DOCK8: variants seen among roughly 807,000 people sequenced by gnomAD.
DOCK8 encodes the protein dedicator of cytokinesis 8.
In DOCK8, 141 loss-of-function variants were observed where a neutral mutation model predicts 245.6. The observed-to-expected ratio is 0.57, with a 90% CI of 0.50 to 0.66. The LOEUF is 0.66. Ranked by LOEUF, DOCK8 falls within the 30% of genes least tolerant of loss-of-function variation. The pLI is 0.00. For synonymous variants in DOCK8, 1,168 were observed against 970.2 expected, an observed-to-expected ratio of 1.20 and a Z score of -3.79; for missense variants, 2,965 against 2,603.4, an observed-to-expected ratio of 1.14 and a Z score of -3.02.
chr9:336,517 G>C, intron 11 of DOCK8, 65 bp from the exon 12 acceptor site: 1 of 1,605,702 alleles, frequency 6.2e-7, no homozygotes, highest in Non-Finnish European at 8.5e-7. Context: ...ATATTGTGAA[G>C]TTAATAACTG....
At chr9:391,941 C>G (rs1444045546) in intron 24 of DOCK8, among the ~76,000 whole-genome samples, 1 of 150,498 alleles carries the variant, frequency 6.6e-6, no homozygotes, top group African/African-American at 2.4e-5. Flanking sequence ...GAGTTCGAGA[C>G]CAGCCTGGCC....
At position 434,553 on chromosome 9, in the gene DOCK8, T is replaced by A. The variant is rs1420284051; in HGVS notation, c.4887-230T>A. ...TCAGGTATTTTTTCCCCATAAGGCT[T>A]TTACTAAGTACTATTTCTTGGAGGT... On this transcript the variant is annotated intron_variant, in intron 38 of 47. Coordinates refer to ENST00000432829, the MANE Select transcript of DOCK8 (RefSeq NM_203447.4). 2.0e-5 allele frequency among the ~76,000 whole-genome samples: 3 copies of A among 152,096 alleles called. No individual in the cohort carries two copies. The East Asian group carries it at 5.8e-4, about 29-fold the overall frequency.
At chr9:266,211 T>C (rs2048031774) in intron 1 of DOCK8, among the ~76,000 whole-genome samples, 1 of 152,180 alleles carries the variant, frequency 6.6e-6, no homozygotes, top group East Asian at 1.9e-4. Context: ...TCCTCTTTGC[T>C]AACAAGGAAC....
At position 426,934 on chromosome 9, in the gene DOCK8, A is replaced by T; in HGVS notation, c.4291A>T (p.Thr1431Ser). Residue 1431 changes from threonine (T) to serine (S), a missense_variant, in exon 34 of 48, where the codon ACA becomes TCA. By Grantham distance (58) the Thr-to-Ser change is moderately conservative. Transcript: ENST00000432829. ...AGCCTTGATCAGTGGCAATCTGGCT[A>T]CAGAAGCACATTTAATCATCCTGGA... ...QEALISGNLA[T>S]EAHLIILDMQ... is the part of the protein sequence containing the mutation. The T allele has an allele frequency of 1.2e-6, 2 of 1,614,174 alleles. No homozygotes were observed. The highest frequency in any genetic ancestry group is 1.7e-6 in the Non-Finnish European group (2 of 1,180,030).
chr9:452,362 T>C (rs1026950588), intron 46 of DOCK8: 6 of 293,934 alleles, frequency 2.0e-5, no homozygotes, highest in Non-Finnish European at 3.9e-5. Context: ...CTACTTGAAC[T>C]ACTAATGAGT....
At chr9:400,949 ACCACCACCACCACCACCT>A (rs1205191508) in intron 26 of DOCK8, among the ~76,000 whole-genome samples, 24 of 113,458 alleles carry the variant, frequency 2.1e-4, no homozygotes, top group Middle Eastern at 0.01. Context: ...CACCACCATC[ACCACCACCACCACCACCT>A]CCTCCACCAT....
chr9:317,228 C>A (rs1586685399), intron 7 of DOCK8, 100 bp downstream of exon 7: 1 of 974,514 alleles, frequency 1.0e-6, no homozygotes, highest in Admixed American at 2.0e-5. Flanking sequence ...AAGCGGAGCT[C>A]CCAAAATACG....
chr9:410,377 C>T (rs143379178), intron 28 of DOCK8, among the ~76,000 whole-genome samples: 118 of 152,098 alleles, frequency 7.8e-4, no homozygotes, highest in Admixed American at 1.7e-3. Flanking sequence ...TTAGTGTGGT[C>T]GCATGTGTCA....
intron 2 of DOCK8, chr9:273,000 T>C: frequency 2.0e-6 from 2 of 983,554 alleles, no homozygotes; most frequent in Non-Finnish European, 2.4e-6. Flanking sequence ...TCGAAACCAC[T>C]TCTGCCTTAG....
chr9:389,888 G>C (rs1399065101), intron 23 of DOCK8, among the ~76,000 whole-genome samples: 1 of 152,134 alleles, frequency 6.6e-6, no homozygotes, highest in Admixed American at 6.5e-5. Flanking sequence ...AGCTGGGCTT[G>C]GTGGTGCACG....
chr9:418,817 G>C (rs1237838341), intron 30 of DOCK8, among the ~76,000 whole-genome samples: 2 of 152,182 alleles, frequency 1.3e-5, no homozygotes, highest in African/African-American at 4.8e-5. Flanking sequence ...ATCAAACCAA[G>C]GCTCTCTGAG....
At chr9:445,082 C>T (rs574630561) in intron 43 of DOCK8, among the ~76,000 whole-genome samples, 1 of 151,206 alleles carries the variant, frequency 6.6e-6, no homozygotes, top group South Asian at 2.1e-4. Context: ...TCACTTAAGA[C>T]ACATTCCCTA....
intron 2 of DOCK8, among the ~76,000 whole-genome samples, chr9:280,636 A>T (rs1325997811): frequency 1.3e-5 from 2 of 152,206 alleles, no homozygotes; most frequent in African/African-American, 4.8e-5. Flanking sequence ...CACCCAGGGG[A>T]ATCTCTCCTT....
chr9:237,001 A>G (rs10120370), intron 1 of DOCK8, among the ~76,000 whole-genome samples: 69 of 152,350 alleles, frequency 4.5e-4, no homozygotes, highest in African/African-American at 1.6e-3. Context: ...GGGGGAATAT[A>G]TTATAGTTCT....
At chr9:267,373 T>C (rs936709131) in intron 1 of DOCK8, among the ~76,000 whole-genome samples, 2 of 152,112 alleles carry the variant, frequency 1.3e-5, no homozygotes, top group African/African-American at 4.8e-5. Context: ...ACCTGGCTAA[T>C]TTTTGTATTT....
At chr9:252,396 G>A (rs1238505254) in intron 1 of DOCK8, among the ~76,000 whole-genome samples, 1 of 152,134 alleles carries the variant, frequency 6.6e-6, no homozygotes, top group Non-Finnish European at 1.5e-5. Context: ...ACAATTAGTA[G>A]ATGATTATGC....
At chr9:392,290 C>T (rs2054236434) in intron 24 of DOCK8, among the ~76,000 whole-genome samples, 1 of 152,022 alleles carries the variant, frequency 6.6e-6, no homozygotes, top group African/African-American at 2.4e-5. Context: ...AATGAACCAT[C>T]CACTGGGGAG....
At position 421,768 on chromosome 9, in the gene DOCK8, G is replaced by A. The variant is rs187316391; in HGVS notation, c.4154-280G>A. Among the ~76,000 whole-genome samples, 428 of 152,272 alleles carry A rather than the reference G, an allele frequency of 2.8e-3. 2 individuals carry two copies. The highest frequency in any genetic ancestry group is 9.6e-3 in the African/African-American group (400 of 41,554). ...CCATACTTTCATACCCAATAATTCA[G>A]TAAGCCCCCAGAGTTTCACAGGAAT... On this transcript the variant is annotated intron_variant, in intron 32 of 47. Coordinates refer to ENST00000432829, the MANE Select transcript of DOCK8 (RefSeq NM_203447.4).
intron 1 of DOCK8, among the ~76,000 whole-genome samples, chr9:252,708 G>T (rs539176337): frequency 6.6e-6 from 1 of 151,298 alleles, no homozygotes; most frequent in East Asian, 2.0e-4. Context: ...GTAGGCTGAG[G>T]CAGGAGAATT....
Sources: gnomAD v4.1 joint callset for allele counts (sites outside exome capture counted in the v4.1 genomes callset) on GRCh38, gnomAD v4.1.1 for gene constraint, MANE v1.5 for transcripts, NCBI Gene and HGNC (gene_info 2026-07-23, HGNC 2026-07-21) for gene names.